DTNB: variants seen among roughly 807,000 people sequenced by gnomAD.
DTNB encodes the protein DTN-B.
A neutral mutation model predicts 90.7 loss-of-function variants in DTNB; 63 were observed. That is an observed-to-expected ratio of 0.69 (90% CI 0.57 to 0.86). The LOEUF is 0.86. Among genes scored for constraint, DTNB ranks in the 40% least tolerant of loss-of-function variants. The pLI is 0.00. For synonymous variants in DTNB, 277 were observed against 286.7 expected (o/e 0.97, Z 0.34); for missense variants, 744 against 807.1 (o/e 0.92, Z 0.95).
chr2:25,622,580 G>A (rs1414585790), intron 4 of DTNB, among the ~76,000 whole-genome samples: 2 of 152,100 alleles, frequency 1.3e-5, no homozygotes, highest in South Asian at 2.1e-4. Context: ...ATACTCCTAC[G>A]TGGGAAGAAC....
intron 14 of DTNB, among the ~76,000 whole-genome samples, chr2:25,429,427 C>T (rs745534760): frequency 9.9e-5 from 15 of 152,086 alleles, no homozygotes; most frequent in African/African-American, 3.4e-4. Context: ...CTCCAGCTTA[C>T]GGTTCATTTT....
intron 8 of DTNB, among the ~76,000 whole-genome samples, chr2:25,536,836 G>A (rs963299714): frequency 3.9e-5 from 6 of 152,108 alleles, no homozygotes; most frequent in Admixed American, 1.3e-4. Flanking sequence ...AGCGCCTCCC[G>A]GGTTCAAGCA....
chr2:25,516,642 C>A (rs1188665820), intron 9 of DTNB, among the ~76,000 whole-genome samples: 4 of 151,984 alleles, frequency 2.6e-5, no homozygotes, highest in Non-Finnish European at 5.9e-5. Flanking sequence ...GTAATCCCAG[C>A]ACTTTGGGAG....
At chr2:25,514,001 G>T (rs1213929081) in intron 9 of DTNB, among the ~76,000 whole-genome samples, 1 of 127,024 alleles carries the variant, frequency 7.9e-6, no homozygotes, top group African/African-American at 3.0e-5. Context: ...GTTTGGTGGG[G>T]AAAAAAAAAA....
At chr2:25,419,875 A>G (rs2048954735) in intron 15 of DTNB, among the ~76,000 whole-genome samples, 1 of 152,248 alleles carries the variant, frequency 6.6e-6, no homozygotes, top group Non-Finnish European at 1.5e-5. Context: ...GGAATCTGAA[A>G]GAGGAAGTGC....
Position 25,388,183 on chromosome 2 carries a change from C to T in DTNB, c.1735+19G>A. The T allele has an allele frequency of 6.4e-7, 1 of 1,554,702 alleles. No individual in the cohort carries two copies. On this transcript the variant is annotated intron_variant, in intron 17 of 20. Coordinates refer to ENST00000406818, the MANE Select transcript of DTNB (RefSeq NM_021907.5). ...CACATCCCTTCAGCTCCCCGCTGAA[C>T]TCTGCTCCAGAAACTCACCTTGTGC...
chr2:25,513,868 T>C (rs1350279063), intron 9 of DTNB, among the ~76,000 whole-genome samples: 2 of 151,324 alleles, frequency 1.3e-5, no homozygotes, highest in Admixed American at 6.6e-5. Context: ...CATGAACACA[T>C]ATAGATACAC....
In DTNB at chr2:25,671,931, G is replaced by A. The variant is rs571721202; in HGVS notation, c.-2+1455C>T. Among the ~76,000 whole-genome samples the A allele has an allele frequency of 7.2e-5, 11 of 152,116 alleles. No individual in the cohort carries two copies. In the East Asian group the frequency reaches 1.7e-3, roughly 24 times the overall value. ...GAAAAGCAGAGGCACCAACAGCCTC[G>A]CACTACAGGTCTAAGACCCAAGAAC... On this transcript the variant is annotated intron_variant, in intron 1 of 20. Coordinates refer to ENST00000406818, the MANE Select transcript of DTNB (RefSeq NM_021907.5).
At chr2:25,421,292 G>T (rs1375832312) in intron 15 of DTNB, 2 of 152,086 alleles carry the variant, frequency 1.3e-5, no homozygotes, top group Non-Finnish European at 2.9e-5. Flanking sequence ...AAATAAATGG[G>T]CACCGAGAAA....
intron 9 of DTNB, among the ~76,000 whole-genome samples, chr2:25,488,212 T>A (rs1410607315): frequency 6.6e-6 from 1 of 152,138 alleles, no homozygotes; most frequent in Non-Finnish European, 1.5e-5. Context: ...GATCAGTGAC[T>A]ATGAAGATGG....
intron 8 of DTNB, among the ~76,000 whole-genome samples, chr2:25,550,251 C>T (rs756054276): frequency 2.6e-5 from 4 of 151,982 alleles, no homozygotes; most frequent in Admixed American, 1.3e-4. Flanking sequence ...ATAAGCCAGG[C>T]GTGGTGGCAG....
At chr2:25,525,551 G>A (rs898158428) in intron 9 of DTNB, among the ~76,000 whole-genome samples, 22 of 151,718 alleles carry the variant, frequency 1.5e-4, no homozygotes, top group African/African-American at 4.4e-4. Context: ...CAGGAGAATC[G>A]CTTGAACCCA....
In DTNB at chr2:25,425,947, G is replaced by C. The variant is rs557613432; in HGVS notation, c.1554+1588C>G. Among the ~76,000 whole-genome samples the C allele has an allele frequency of 2.0e-5, 3 of 152,304 alleles. No homozygotes were observed. The South Asian group carries it at 6.2e-4, about 32-fold the overall frequency. ...AATAGATAGACTTCATATGCCTGTA[G>C]TCCTAGCCACTCAGGAGGCTGAGGA... On this transcript the variant is annotated intron_variant, in intron 15 of 20. Transcript: ENST00000406818.
rs1382128766 is a variant in DTNB at position 25,670,629 on chromosome 2, G to C, written c.-2+2757C>G. On this transcript the variant is annotated intron_variant, in intron 1 of 20. Coordinates refer to ENST00000406818, the MANE Select transcript of DTNB (RefSeq NM_021907.5). ...AGGCACAAGGACTCCAATGTGAATG[G>C]TGCTCCCTAAAGCTGGGCAGAATAC... 5.3e-5 allele frequency among the ~76,000 whole-genome samples: 8 copies of C among 152,058 alleles called. No homozygotes were observed. In the South Asian group the frequency reaches 1.5e-3, roughly 28 times the overall value.
intron 12 of DTNB, among the ~76,000 whole-genome samples, chr2:25,439,968 T>C (rs1236887886): frequency 2.6e-5 from 4 of 152,200 alleles, no homozygotes; most frequent in African/African-American, 9.6e-5. Context: ...GGAGGACACA[T>C]GGTTCTGGGG....
intron 10 of DTNB, among the ~76,000 whole-genome samples, chr2:25,471,418 T>C (rs2062792203): frequency 6.8e-6 from 1 of 147,846 alleles, no homozygotes; most frequent in Non-Finnish European, 1.5e-5. Context: ...AGACGGAGTC[T>C]CACTCACTCT....
chr2:25,541,298 G>A (rs548832887), intron 8 of DTNB, among the ~76,000 whole-genome samples: 4 of 152,066 alleles, frequency 2.6e-5, no homozygotes, highest in African/African-American at 9.6e-5. Context: ...GGTCAACATG[G>A]TGAAACGCTG....
intron 10 of DTNB, among the ~76,000 whole-genome samples, chr2:25,466,206 C>A (rs138787618): frequency 2.0e-5 from 3 of 152,062 alleles, no homozygotes; most frequent in Non-Finnish European, 4.4e-5. Flanking sequence ...CGTAGTGGTG[C>A]GTGCCTGTAA....
chr2:25,651,432 A>G (rs2080915351), intron 2 of DTNB, among the ~76,000 whole-genome samples: 1 of 152,236 alleles, frequency 6.6e-6, no homozygotes, highest in Non-Finnish European at 1.5e-5. Flanking sequence ...AGTAAAACTC[A>G]GATGCCTTCT....
Sources: allele counts gnomAD v4.1 joint callset (sites outside exome capture counted in the v4.1 genomes callset), GRCh38; gene constraint gnomAD v4.1.1; transcripts MANE v1.5; gene names NCBI Gene and HGNC (gene_info 2026-07-23, HGNC 2026-07-21).